The following EHMT2 variants were observed in gnomAD, a reference collection of about 807,000 sequenced individuals.
EHMT2 encodes the protein euchromatic histone lysine methyltransferase 2.
In EHMT2, 59 loss-of-function variants were observed where a neutral mutation model predicts 143.3. The ratio of observed to expected loss-of-function variants is 0.41; its 90% confidence interval spans 0.33 to 0.51. EHMT2 has a LOEUF of 0.51. Among genes scored for constraint, EHMT2 ranks in the 20% least tolerant of loss-of-function variants. The pLI, the probability that EHMT2 is intolerant of heterozygous loss-of-function variation, is 0.18. For missense variants in EHMT2, 1,174 were observed against 1,645.9 expected (o/e 0.71, Z 4.96); for synonymous variants, 604 against 651.5 (o/e 0.93, Z 1.11).
intron 7 of EHMT2, among the ~76,000 whole-genome samples, chr6:31,891,090 G>A (rs181906300): frequency 3.3e-5 from 5 of 151,914 alleles, no homozygotes; most frequent in Non-Finnish European, 4.4e-5. Flanking sequence ...TTACAGGCAC[G>A]TACCACTACG....
Position 31,888,812 on chromosome 6 carries a change from G to A in EHMT2, c.1217-65C>T. On this transcript the variant is annotated intron_variant, in intron 10 of 27. Transcript: ENST00000375537. This position sits in a 1 kb window ranked among gnomAD's most constrained non-coding sequence, Gnocchi z 7.4. ...CCTCACCTACTGGGACCCCTGGCGGGTCCTCTCACTCCCTCCCTACCCCAC... is the reference window on the plus strand; with the variant it reads ...CCTCACCTACTGGGACCCCTGGCGGATCCTCTCACTCCCTCCCTACCCCAC... The A allele has an allele frequency of 6.9e-6, 11 of 1,584,190 alleles. No homozygotes were observed. Among genetic ancestry groups the A allele is most frequent in the Non-Finnish European group, 9.4e-6 (11 of 1,166,872 alleles).
chr6:31,882,945 G>A (rs1360129417), exon 24 of EHMT2: 7 of 1,612,974 alleles, frequency 4.3e-6, no homozygotes, highest in Non-Finnish European at 5.9e-6. Context: ...GCATGAGCAC[G>A]CCTGGTTACA....
chr6:31,882,789 G>C lies in EHMT2; in HGVS notation c.3111-4C>G. The stretch of plus-strand genomic sequence containing the variant: ...TCGGTAGAGCTGTAGCCGCACCCTG[G>C]GGGTAGGAGAGATGGCGCTGTTGGG... On this transcript the variant is annotated splice_region_variant and splice_polypyrimidine_tract_variant and intron_variant, in intron 24 of 27. Transcript: ENST00000375537. The C allele has an allele frequency of 6.8e-6, 11 of 1,612,454 alleles. No homozygotes were observed. Among genetic ancestry groups the C allele is most frequent in the Middle Eastern group, 1.7e-4 (1 of 6,060 alleles).
chr6:31,883,557 T>TG lies in EHMT2; in HGVS notation c.2917-119dup. 8.9e-7 allele frequency: 1 copy of TG among 1,120,252 alleles called. No individual in the cohort carries two copies. Among genetic ancestry groups the TG allele is most frequent in the South Asian group, 1.4e-5 (1 of 72,484 alleles). 69.4% of individuals were successfully genotyped at this position (1,120,252 alleles called of 1,614,324 possible). On this transcript the variant is annotated intron_variant, in intron 22 of 27. Coordinates refer to ENST00000375537, the Ensembl canonical transcript of EHMT2. The surrounding 1 kb of genome is among the most constrained non-coding windows in gnomAD (Gnocchi z 5.6). Reference sequence around the variant, plus strand: ...CTTTGGGGTCCATGTGTTACAACAGTGGGTGGTGATGGTCCTAGGGTGACG... The same window carrying TG: ...CTTTGGGGTCCATGTGTTACAACAGTGGGGTGGTGATGGTCCTAGGGTGACG...
At chr6:31,882,003 G>A (rs900121930) in intron 25 of EHMT2, among the ~76,000 whole-genome samples, 3 of 152,066 alleles carry the variant, frequency 2.0e-5, no homozygotes, top group African/African-American at 7.3e-5. Context: ...TACTTGGGAG[G>A]CTGAGGCAGG....
In EHMT2 at chr6:31,880,598, T is replaced by A. The variant is rs1378809298; in HGVS notation, c.3452+75A>T. 10 of 1,502,234 alleles carry A rather than the reference T, an allele frequency of 6.7e-6. No homozygotes were observed. 93.1% of individuals were successfully genotyped at this position (1,502,234 alleles called of 1,614,324 possible). A position where few individuals can be genotyped will look rare whatever the true frequency, so the allele number is the denominator to read the frequency against. Reference sequence around the variant, plus strand: ...ACTCCATGCCTGGACACCAGGTACATGCCAGCCTTCAGGTCCCAGGTTTGC... The same window carrying A: ...ACTCCATGCCTGGACACCAGGTACAAGCCAGCCTTCAGGTCCCAGGTTTGC... On this transcript the variant is annotated intron_variant, in intron 27 of 27. Transcript: ENST00000375537. The surrounding 1 kb of genome is among the most constrained non-coding windows in gnomAD (Gnocchi z 6.6).
chr6:31,897,228 G>C (rs1376018112), intron 1 of EHMT2: 1 of 1,220,924 alleles, frequency 8.2e-7, no homozygotes. Context: ...AAGAGGAGGG[G>C]GAGGGGGCGG....
rs1765327444 is a variant in EHMT2 at position 31,889,147 on chromosome 6, G to A, written c.1115-77C>T. ...CGTGGGTACATGCAGGTGGACATGC[G>A]AGAGCGTGTGTGTGCGTGCACACAC... On this transcript the variant is annotated intron_variant, in intron 9 of 27. Coordinates refer to ENST00000375537, the Ensembl canonical transcript of EHMT2. This position sits in a 1 kb window ranked among gnomAD's most constrained non-coding sequence, Gnocchi z 5.1. 1.3e-6 allele frequency: 2 copies of A among 1,533,428 alleles called. No individual in the cohort carries two copies. The highest frequency in any genetic ancestry group is 1.2e-5 in the South Asian group (1 of 85,774). The allele number at this position is 1,533,428 out of a possible 1,614,324, so 95.0% of individuals were successfully genotyped here. A position where few individuals can be genotyped will look rare whatever the true frequency, so the allele number is the denominator to read the frequency against.
chr6:31,893,092 C>A (rs1765915401), intron 4 of EHMT2, 182 bp from the exon 5 acceptor site: 1 of 575,774 alleles, frequency 1.7e-6, no homozygotes, highest in Non-Finnish European at 3.1e-6. Context: ...GTCAAGCACA[C>A]TAACACTCAC....
chr6:31,882,555 T>G, intron 25 of EHMT2, 144 bp downstream of exon 25: 1 of 797,754 alleles, frequency 1.3e-6, no homozygotes, highest in East Asian at 2.7e-5. Context: ...GCTGCAGGAA[T>G]AGGGGTCAGA....
Position 31,880,569 on chromosome 6 carries a change from C to T in EHMT2, c.3452+104G>A, listed in dbSNP as rs1763971498. Reference sequence around the variant, plus strand: ...GTACACTGAAATCTGAGAAGCTCTGCACTACTCCATGCCTGGACACCAGGT... The same window carrying T: ...GTACACTGAAATCTGAGAAGCTCTGTACTACTCCATGCCTGGACACCAGGT... On this transcript the variant is annotated intron_variant, in intron 27 of 27. Coordinates refer to ENST00000375537, the Ensembl canonical transcript of EHMT2. The surrounding 1 kb of genome is among the most constrained non-coding windows in gnomAD (Gnocchi z 6.6). 1 of 1,253,128 alleles carries T rather than the reference C, an allele frequency of 8.0e-7. No individual in the cohort carries two copies. The highest frequency in any genetic ancestry group is 1.1e-6 in the Non-Finnish European group (1 of 882,612). 77.6% of individuals were successfully genotyped at this position (1,253,128 alleles called of 1,614,324 possible). A position where few individuals can be genotyped will look rare whatever the true frequency, so the allele number is the denominator to read the frequency against.
chr6:31,888,027 G>A lies in EHMT2; in HGVS notation c.1745+14C>T. On this transcript the variant is annotated intron_variant, in intron 13 of 27. Transcript: ENST00000375537. This position sits in a 1 kb window ranked among gnomAD's most constrained non-coding sequence, Gnocchi z 7.4. ...GGGGAGGGAACAGACAGTACAGAAG[G>A]GGGAGGCCAGTACCTGGGCTGAGAA... 3 of 1,572,398 alleles carry A rather than the reference G, an allele frequency of 1.9e-6. No individual in the cohort carries two copies. Among genetic ancestry groups the A allele is most frequent in the Non-Finnish European group, 2.6e-6 (3 of 1,159,434 alleles).
exon 2 of EHMT2, chr6:31,896,929 C>T (rs1562524400): frequency 6.3e-7 from 1 of 1,599,820 alleles, no homozygotes. Context: ...TCACCTCTCT[C>T]GGTGGCTCCT....
chr6:31,883,289 G>A lies in EHMT2; in HGVS notation c.2994+73C>T. ...AGGAGGTGAGGGACATGGTCCCAGGGAGCTGGTTTATTGGAGGCTGGCTCC... is the reference window on the plus strand; with the variant it reads ...AGGAGGTGAGGGACATGGTCCCAGGAAGCTGGTTTATTGGAGGCTGGCTCC... On this transcript the variant is annotated intron_variant, in intron 23 of 27. Transcript: ENST00000375537. This position sits in a 1 kb window ranked among gnomAD's most constrained non-coding sequence, Gnocchi z 5.6. 1.4e-6 allele frequency: 2 copies of A among 1,465,586 alleles called. No individual in the cohort carries two copies. Among genetic ancestry groups the A allele is most frequent in the South Asian group, 1.2e-5 (1 of 85,432 alleles). 90.8% of individuals were successfully genotyped at this position (1,465,586 alleles called of 1,614,324 possible).
rs960242601 is a variant in EHMT2, at chr6:31,888,001, G to A, written c.1745+40C>T. On this transcript the variant is annotated intron_variant, in intron 13 of 27. Transcript: ENST00000375537. This position sits in a 1 kb window ranked among gnomAD's most constrained non-coding sequence, Gnocchi z 7.4. Reference sequence around the variant, plus strand: ...GCTCATGTCCAGGAGCAATAGGGGTGGGGGAGGGAACAGACAGTACAGAAG... The same window carrying A: ...GCTCATGTCCAGGAGCAATAGGGGTAGGGGAGGGAACAGACAGTACAGAAG... The A allele has an allele frequency of 3.8e-6, 6 of 1,569,976 alleles. No individual in the cohort carries two copies. Among genetic ancestry groups the A allele is most frequent in the Non-Finnish European group, 5.2e-6 (6 of 1,156,058 alleles).
exon 18 of EHMT2, chr6:31,886,587 G>T: frequency 6.2e-7 from 1 of 1,611,924 alleles, no homozygotes; most frequent in Non-Finnish European, 8.5e-7. Flanking sequence ...TGACCTGGGC[G>T]TTGACGTCCA....
At position 31,883,642 on chromosome 6, in the gene EHMT2, A is replaced by T; in HGVS notation, c.2916+164T>A. ...GGAGCTCATATGATACCTTGCTGTG[A>T]CCTAGGAAAAGGATCCCTCCCCTGG... On this transcript the variant is annotated intron_variant, in intron 22 of 27. Coordinates refer to ENST00000375537, the Ensembl canonical transcript of EHMT2. The surrounding 1 kb of genome is among the most constrained non-coding windows in gnomAD (Gnocchi z 5.6). 1 of 1,126,444 alleles carries T rather than the reference A, an allele frequency of 8.9e-7. No homozygotes were observed. Among genetic ancestry groups the T allele is most frequent in the Non-Finnish European group, 1.3e-6 (1 of 773,614 alleles). The allele number at this position is 1,126,444 out of a possible 1,614,324, so 69.8% of individuals were successfully genotyped here. A position where few individuals can be genotyped will look rare whatever the true frequency, so the allele number is the denominator to read the frequency against.
chr6:31,891,516 G>C (rs1322089726), intron 7 of EHMT2, among the ~76,000 whole-genome samples: 2 of 152,210 alleles, frequency 1.3e-5, no homozygotes, highest in Non-Finnish European at 2.9e-5. Flanking sequence ...TGTGTGTGCT[G>C]GGAGATGTAC....
exon 28 of EHMT2, chr6:31,879,845 G>A: frequency 1.8e-6 from 1 of 544,028 alleles, no homozygotes; most frequent in Non-Finnish European, 3.3e-6. Context: ...TTCAACTGAG[G>A]ATGGGGAACA....
Sources: allele counts gnomAD v4.1 joint callset (sites outside exome capture counted in the v4.1 genomes callset), GRCh38; gene constraint gnomAD v4.1.1; non-coding constraint Gnocchi (gnomAD v3.1); transcripts MANE v1.5; gene names NCBI Gene and HGNC (gene_info 2026-07-23, HGNC 2026-07-21).